The following ARHGAP15 variants were observed in gnomAD, a reference collection of about 807,000 sequenced individuals.
ARHGAP15 encodes rho GTPase-activating protein 15.
In ARHGAP15, 51 loss-of-function variants were observed where a neutral mutation model predicts 63.7. That is an observed-to-expected ratio of 0.80 (90% confidence interval 0.64 to 1.01). ARHGAP15 has a LOEUF of 1.01. Ranked by LOEUF, ARHGAP15 falls within the 50% of genes least tolerant of loss-of-function variation. The probability of loss-of-function intolerance (pLI) is 0.00; values close to 1 mark genes in which losing one functional copy is unlikely to be tolerated. For synonymous variants in ARHGAP15, 191 were observed against 193.8 expected (o/e 0.99, Z 0.12); for missense variants, 560 against 564.6 (o/e 0.99, Z 0.08).
At chr2:143,583,790 T>C (rs1190893277) in intron 11 of ARHGAP15, among the ~76,000 whole-genome samples, 2 of 152,208 alleles carry the variant, frequency 1.3e-5, no homozygotes, top group Non-Finnish European at 2.9e-5. Context: ...TCCGAGGTTT[T>C]ATGTTTTTGT....
At chr2:143,143,881 C>T (rs1322260406) in intron 1 of ARHGAP15, among the ~76,000 whole-genome samples, 1 of 151,766 alleles carries the variant, frequency 6.6e-6, no homozygotes, top group African/African-American at 2.4e-5. Context: ...AGCCTAGTAC[C>T]CATTAGTTAT....
intron 11 of ARHGAP15, among the ~76,000 whole-genome samples, chr2:143,605,063 C>G (rs1455786253): frequency 6.6e-6 from 1 of 152,086 alleles, no homozygotes; most frequent in Non-Finnish European, 1.5e-5. Context: ...TATGCACCAC[C>G]ATGCCTGGCT....
chr2:143,223,995 T>A (rs2105161009), intron 4 of ARHGAP15, among the ~76,000 whole-genome samples: 1 of 152,352 alleles, frequency 6.6e-6, no homozygotes, highest in East Asian at 1.9e-4. Flanking sequence ...AATGTCTTAT[T>A]TTCCATCTCT....
At chr2:143,501,108 C>G (rs1404706071) in intron 9 of ARHGAP15, among the ~76,000 whole-genome samples, 1 of 152,142 alleles carries the variant, frequency 6.6e-6, no homozygotes, top group African/African-American at 2.4e-5. Flanking sequence ...TAACAAGAGA[C>G]TGAGAAATAA....
chr2:143,444,101 C>A (rs973023822), intron 8 of ARHGAP15, among the ~76,000 whole-genome samples: 1 of 152,128 alleles, frequency 6.6e-6, no homozygotes, highest in Non-Finnish European at 1.5e-5. Context: ...ACTAGATCAC[C>A]CTATCTTCCT....
chr2:143,509,854 C>T (rs1693499160), intron 9 of ARHGAP15, among the ~76,000 whole-genome samples: 1 of 151,774 alleles, frequency 6.6e-6, no homozygotes, highest in Admixed American at 6.6e-5. Flanking sequence ...AACCCCATCT[C>T]AACTAAAAAT....
At position 143,190,254 on chromosome 2, in the gene ARHGAP15, AT is replaced by A. The variant is rs558683289; in HGVS notation, c.166-11877del. Reference sequence around the variant, plus strand: ...AGAGGCATTTAAAATGCTGATTAAAATTTCCTTGTGTTTGGAGCAGGGGCAC... The same window carrying A: ...AGAGGCATTTAAAATGCTGATTAAAATTCCTTGTGTTTGGAGCAGGGGCAC... On this transcript the variant is annotated intron_variant, in intron 2 of 13. Coordinates refer to ENST00000295095, the MANE Select transcript of ARHGAP15 (RefSeq NM_018460.4). Among the ~76,000 whole-genome samples the A allele has an allele frequency of 1.3e-4, 20 of 152,330 alleles. No individual in the cohort carries two copies. In the South Asian group the frequency reaches 4.1e-3, roughly 32 times the overall value.
intron 13 of ARHGAP15, among the ~76,000 whole-genome samples, chr2:143,747,760 A>C (rs1273063501): frequency 6.6e-6 from 1 of 152,250 alleles, no homozygotes; most frequent in East Asian, 1.9e-4. Flanking sequence ...GATATACCAC[A>C]GCTGTTTATC....
At chr2:143,519,244 C>G (rs1178621176) in intron 9 of ARHGAP15, 22 bp from the exon 10 acceptor site, 1 of 1,555,134 alleles carries the variant, frequency 6.4e-7, no homozygotes, top group South Asian at 1.1e-5. Context: ...TTTAATGAAG[C>G]TCATCTTTGT....
intron 6 of ARHGAP15, among the ~76,000 whole-genome samples, chr2:143,410,534 G>A (rs145058097): frequency 1.5e-3 from 226 of 152,250 alleles, no homozygotes; most frequent in Middle Eastern, 3.4e-3. Flanking sequence ...TTAGTTGAGC[G>A]CCTACTTTGC....
At chr2:143,678,049 C>T (rs139258912) in intron 12 of ARHGAP15, among the ~76,000 whole-genome samples, 58 of 152,130 alleles carry the variant, frequency 3.8e-4, no homozygotes, top group African/African-American at 1.3e-3. Flanking sequence ...GTCTATTATA[C>T]AAAAACATAA....
At chr2:143,271,331 A>G (rs957314311) in intron 6 of ARHGAP15, among the ~76,000 whole-genome samples, 3 of 152,330 alleles carry the variant, frequency 2.0e-5, no homozygotes, top group Non-Finnish European at 4.4e-5. Context: ...GTACATTCCT[A>G]AAGTTTCTAT....
intron 11 of ARHGAP15, among the ~76,000 whole-genome samples, chr2:143,570,853 CA>C (rs1309670993): frequency 1.3e-5 from 2 of 151,982 alleles, no homozygotes; most frequent in Non-Finnish European, 2.9e-5. Context: ...ATTTACAGAA[CA>C]TACCAACAGA....
intron 6 of ARHGAP15, chr2:143,351,124 A>C (rs941847078): frequency 3.9e-5 from 6 of 152,182 alleles, no homozygotes; most frequent in Non-Finnish European, 8.8e-5. Flanking sequence ...TGCCGTATGC[A>C]CAAAGTATGC....
intron 8 of ARHGAP15, among the ~76,000 whole-genome samples, chr2:143,470,641 A>G (rs925728328): frequency 1.5e-5 from 2 of 136,586 alleles, no homozygotes; most frequent in African/African-American, 5.0e-5. Context: ...GTGTGTATAT[A>G]TGTGTGTGTA....
chr2:143,730,852 T>C (rs1279559926), intron 13 of ARHGAP15, among the ~76,000 whole-genome samples: 1 of 149,716 alleles, frequency 6.7e-6, no homozygotes, highest in Non-Finnish European at 1.5e-5. Flanking sequence ...GTTTTTAATT[T>C]TGTGCAATTT....
chr2:143,474,304 AC>A (rs992167865), intron 8 of ARHGAP15, among the ~76,000 whole-genome samples: 3 of 151,878 alleles, frequency 2.0e-5, no homozygotes, highest in Non-Finnish European at 4.4e-5. Context: ...TACTGTAATC[AC>A]CCCCCACCCT....
intron 6 of ARHGAP15, among the ~76,000 whole-genome samples, chr2:143,418,419 G>A (rs1015947951): frequency 2.0e-5 from 3 of 152,110 alleles, no homozygotes; most frequent in Non-Finnish European, 2.9e-5. Context: ...TTTACTAAGA[G>A]ATATAAATAA....
intron 13 of ARHGAP15, among the ~76,000 whole-genome samples, chr2:143,722,191 TCA>T (rs139484994): frequency 0.039 from 5,765 of 149,526 alleles, 145 homozygotes; most frequent in Non-Finnish European, 0.053. Context: ...ACACACACAC[TCA>T]CACACACACA....
Sources: gnomAD v4.1 joint callset for allele counts (sites outside exome capture counted in the v4.1 genomes callset) on GRCh38, gnomAD v4.1.1 for gene constraint, MANE v1.5 for transcripts, NCBI Gene and HGNC (gene_info 2026-07-23, HGNC 2026-07-21) for gene names.